ANK2: variants seen among roughly 807,000 people sequenced by gnomAD.
The protein encoded by ANK2 is ankyrin 2, also known as ankyrin-2.
ANK2 carries 83 observed loss-of-function variants against 360.5 expected under a neutral mutation model. The observed-to-expected ratio is 0.23, with a 90% confidence interval of 0.19 to 0.28. ANK2 has a LOEUF of 0.28. Among genes scored for constraint, ANK2 ranks in the 10% least tolerant of loss-of-function variants. The probability of loss-of-function intolerance (pLI) is 1.00; values close to 1 mark genes in which losing one functional copy is unlikely to be tolerated. For missense variants in ANK2, 4,201 were observed against 4,795.7 expected, an observed-to-expected ratio of 0.88 and a Z score of 3.66; for synonymous variants, 1,740 against 1,759.5, an observed-to-expected ratio of 0.99 and a Z score of 0.28.
chr4:113,265,075 C>A, intron 14 of ANK2, 80 bp downstream of exon 14: 4 of 1,326,666 alleles, frequency 3.0e-6, no homozygotes, highest in Non-Finnish European at 4.2e-6. Flanking sequence ...CCCTTCAGTT[C>A]CTTGATTTGG....
intron 1 of ANK2, among the ~76,000 whole-genome samples, chr4:113,060,623 C>A (rs911213746): frequency 1.4e-5 from 2 of 147,898 alleles, no homozygotes; most frequent in African/African-American, 2.5e-5. Context: ...ATGTCCCAAA[C>A]CTGTTTCACT....
chr4:112,925,354 C>T (rs1016599087), intron 2 of ANK2, among the ~76,000 whole-genome samples: 8 of 152,162 alleles, frequency 5.3e-5, no homozygotes, highest in African/African-American at 1.9e-4. Flanking sequence ...GTACAGCAGC[C>T]ACTGTCTTAG....
chr4:113,254,867 T>G (rs2048449059), intron 10 of ANK2, among the ~76,000 whole-genome samples: 1 of 152,226 alleles, frequency 6.6e-6, no homozygotes, highest in African/African-American at 2.4e-5. Context: ...ATATTTGCAT[T>G]GGTATTAATA....
At chr4:112,818,790 A>G (rs1408090330) in intron 1 of ANK2, among the ~76,000 whole-genome samples, 1 of 152,208 alleles carries the variant, frequency 6.6e-6, no homozygotes, top group African/African-American at 2.4e-5. Context: ...CAGCAGTGCT[A>G]TTAGTATGTT....
chr4:113,190,693 T>A (rs1447532857), intron 2 of ANK2, among the ~76,000 whole-genome samples: 1 of 152,136 alleles, frequency 6.6e-6, no homozygotes, highest in Non-Finnish European at 1.5e-5. Context: ...AAAAGTGCAG[T>A]TTCTGAGCCA....
the ANK2 span, among the ~76,000 whole-genome samples, chr4:112,773,747 C>T: frequency 6.6e-6 from 1 of 152,120 alleles, no homozygotes; most frequent in Non-Finnish European, 1.5e-5. Flanking sequence ...CATCAGTATC[C>T]ATCCAGTAAA....
At chr4:112,970,871 G>A (rs1488206882) in intron 2 of ANK2, among the ~76,000 whole-genome samples, 1 of 152,046 alleles carries the variant, frequency 6.6e-6, no homozygotes, top group Non-Finnish European at 1.5e-5. Context: ...AAAATGATAA[G>A]TATATGTGGT....
chr4:113,074,864 A>G (rs1039788459), intron 1 of ANK2, among the ~76,000 whole-genome samples: 5 of 152,330 alleles, frequency 3.3e-5, no homozygotes, highest in Admixed American at 3.3e-4. Flanking sequence ...AAGTAATGAG[A>G]TATTTTAGCA....
intron 26 of ANK2, among the ~76,000 whole-genome samples, chr4:113,325,154 G>C (rs1017019376): frequency 6.6e-6 from 1 of 152,180 alleles, no homozygotes; most frequent in Admixed American, 6.5e-5. Context: ...TGCAATTAAA[G>C]CTGAGTGTTA....
At chr4:113,096,483 G>A (rs965401690) in intron 1 of ANK2, among the ~76,000 whole-genome samples, 7 of 152,068 alleles carry the variant, frequency 4.6e-5, no homozygotes, top group African/African-American at 2.4e-5. Context: ...CACAGCCTGA[G>A]CTGATGGTTC....
chr4:113,015,377 A>C (rs2056324393), intron 2 of ANK2, among the ~76,000 whole-genome samples: 1 of 152,172 alleles, frequency 6.6e-6, no homozygotes, highest in Non-Finnish European at 1.5e-5. Flanking sequence ...ACAATTTTTA[A>C]ATAGTGTGAT....
At position 113,238,095 on chromosome 4, in the gene ANK2, A is replaced by C. The variant is rs79401290; in HGVS notation, c.693+473A>C. Among the ~76,000 whole-genome samples, 1,038 of 152,114 alleles carry C rather than the reference A, an allele frequency of 6.8e-3. 18 individuals carry two copies. Among genetic ancestry groups the C allele is most frequent in the African/African-American group, 0.024 (987 of 41,520 alleles). On this transcript the variant is annotated intron_variant, in intron 7 of 45. Coordinates refer to ENST00000357077, the MANE Select transcript of ANK2 (RefSeq NM_001148.6). ...ATTTATATAATAAATGATGTTATTG[A>C]GCATATCAAGAGCAGACCAATTGCT...
At chr4:113,373,263 A>G in intron 44 of ANK2, 22 bp from the exon 45 acceptor site, 1 of 1,614,034 alleles carries the variant, frequency 6.2e-7, no homozygotes, top group Non-Finnish European at 8.5e-7. Flanking sequence ...AAAATAAGAT[A>G]CACAAATGAA....
chr4:113,044,503 A>G (rs1447249059), intron 2 of ANK2, among the ~76,000 whole-genome samples: 3 of 152,218 alleles, frequency 2.0e-5, no homozygotes, highest in Non-Finnish European at 4.4e-5. Context: ...TAGGGTTGCC[A>G]TAGCAAAGCA....
chr4:113,360,894 A>T lies in ANK2; in HGVS notation c.10753A>T (p.Thr3585Ser), dbSNP rs955760988. The T allele has an allele frequency of 1.9e-6, 3 of 1,612,022 alleles. No individual in the cohort carries two copies. The highest frequency in any genetic ancestry group is 2.5e-6 in the Non-Finnish European group (3 of 1,178,906). The change falls in exon 39 of 46, where the codon ACA (threonine) becomes TCA (serine). Residue 3585 changes from threonine (T) to serine (S), a missense_variant. Coordinates refer to ENST00000357077, the MANE Select transcript of ANK2 (RefSeq NM_001148.6). ...TGCTGATCACCTTGGCTTCAGCTGG[A>T]CAGGTAAAAAGAATGTGACCCAGGT... ...YIADHLGFSW[T>S]ELARELDFTE...
intron 20 of ANK2, among the ~76,000 whole-genome samples, chr4:113,291,397 G>A (rs29346): frequency 0.036 from 5,509 of 152,272 alleles, 274 homozygotes; most frequent in East Asian, 0.26. Flanking sequence ...TCATCCCATT[G>A]TAGGGATTTA....
rs1313579642 is a variant in ANK2, at chr4:113,353,473, G to A, written c.4855G>A (p.Val1619Ile). The change falls in exon 38 of 46, where the codon GTT (valine) becomes ATT (isoleucine). Residue 1619 changes from valine (V) to isoleucine (I), a missense_variant. This residue lies in a region of ANK2 where 1,268 missense variants were observed against 1,650.8 expected (regional missense o/e 0.77). Coordinates refer to ENST00000357077, the MANE Select transcript of ANK2 (RefSeq NM_001148.6). Reference sequence around the variant, plus strand: ...AATCACTGAATATCCATGTGTAGAAGTTAGAATAGATAAAGAGATCAAAGG... The same window carrying A: ...AATCACTGAATATCCATGTGTAGAAATTAGAATAGATAAAGAGATCAAAGG... Reference protein sequence around the residue: ...LEITEYPCVEVRIDKEIKGKV... With the variant: ...LEITEYPCVEIRIDKEIKGKV... 6.2e-7 allele frequency: 1 copy of A among 1,614,064 alleles called. No individual in the cohort carries two copies. Among genetic ancestry groups the A allele is most frequent in the South Asian group, 1.1e-5 (1 of 91,078 alleles).
upstream of ANK2, among the ~76,000 whole-genome samples, chr4:112,816,867 C>T (rs1018886639): frequency 6.6e-6 from 1 of 152,028 alleles, no homozygotes; most frequent in Admixed American, 6.6e-5. Context: ...AAAAATTGGC[C>T]AGGTGTGGTG....
intron 22 of ANK2, among the ~76,000 whole-genome samples, chr4:113,295,920 A>G (rs2071139682): frequency 1.3e-5 from 2 of 152,294 alleles, no homozygotes; most frequent in South Asian, 4.1e-4. Flanking sequence ...ACTTATTCTC[A>G]TCTATTCTGG....
Sources: gnomAD v4.1 joint callset for allele counts (sites outside exome capture counted in the v4.1 genomes callset) on GRCh38, gnomAD v4.1.1 for gene constraint, gnomAD v4.1.1 regional missense constraint, MANE v1.5 for transcripts, NCBI Gene and HGNC (gene_info 2026-07-23, HGNC 2026-07-21) for gene names.